PITX1: variants seen among roughly 807,000 people sequenced by gnomAD.
PITX1 encodes the protein pituitary homeobox 1.
PITX1 carries 5 observed loss-of-function variants against 24.1 expected under a neutral mutation model. The observed-to-expected ratio is 0.21, with a 90% CI of 0.11 to 0.44. PITX1 has a LOEUF of 0.44. PITX1 is among the 20% of genes least tolerant of loss of function. PITX1 has a pLI of 0.99. For synonymous variants in PITX1, 213 were observed against 208.9 expected, an observed-to-expected ratio of 1.02 and a Z score of -0.17; for missense variants, 401 against 455.4, an observed-to-expected ratio of 0.88 and a Z score of 1.09.
chr5:135,028,893 C>T lies in PITX1; in HGVS notation c.831G>A (p.Thr277=). 3 of 1,613,740 alleles carry T rather than the reference C, an allele frequency of 1.9e-6. No homozygotes were observed. The highest frequency in any genetic ancestry group is 2.2e-5 in the East Asian group (1 of 44,864). ...GCAGGCTGGCTAGGCTCGAGTTGCACGTGTCCCGGTAGACGCTGTAGGGCG... is the reference window on the plus strand; with the variant it reads ...GCAGGCTGGCTAGGCTCGAGTTGCATGTGTCCCGGTAGACGCTGTAGGGCG... ...PASPYSVYRD[T]CNSSLASLRL... is the part of the protein sequence containing the mutation. Residue 277 remains threonine, a synonymous_variant, in exon 3 of 3, where the codon ACG becomes ACA. Coordinates refer to ENST00000265340, the MANE Select transcript of PITX1 (RefSeq NM_002653.5).
In PITX1 at chr5:135,033,836, C is replaced by T; in HGVS notation, c.46G>A (p.Gly16Arg). The T allele has an allele frequency of 6.6e-7, 1 of 1,516,668 alleles. No homozygotes were observed. The highest frequency in any genetic ancestry group is 8.8e-7 in the Non-Finnish European group (1 of 1,141,100). 94.0% of individuals were successfully genotyped at this position (1,516,668 alleles called of 1,614,324 possible). ...GGTGGCGGCGGCGGCGGCCGGAGCCCCTCCGGCAGCCGCTCCAGGCTCATG... is the reference window on the plus strand; with the variant it reads ...GGTGGCGGCGGCGGCGGCCGGAGCCTCTCCGGCAGCCGCTCCAGGCTCATG... ...GGMSLERLPE[G>R]LRPPPPPPHD... The change falls in exon 1 of 3, where the codon GGG becomes AGG. Residue 16 changes from glycine to arginine, a missense_variant. By Grantham distance (125) the Gly-to-Arg change is moderately radical. This residue lies in a region of PITX1 where 136 missense variants were observed against 133.3 expected (regional missense o/e 1.02). Coordinates refer to ENST00000265340, the MANE Select transcript of PITX1 (RefSeq NM_002653.5). This position sits in a 1 kb window ranked among gnomAD's most constrained non-coding sequence, Gnocchi z 5.9.
Position 135,033,531 on chromosome 5 carries a change from T to G in PITX1, c.169+182A>C. The G allele has an allele frequency of 1.5e-6, 1 of 647,734 alleles. No homozygotes were observed. Among genetic ancestry groups the G allele is most frequent in the South Asian group, 1.9e-5 (1 of 53,100 alleles). 40.1% of individuals were successfully genotyped at this position (647,734 alleles called of 1,614,324 possible). A position where few individuals can be genotyped will look rare whatever the true frequency, so the allele number is the denominator to read the frequency against. ...GCGTGGGGACCGCGTGGAAGTGCCT[T>G]CGCGTGTGCGTAAGTTTCCGCGTTC... On this transcript the variant is annotated intron_variant, in intron 1 of 2. Transcript: ENST00000265340. The surrounding 1 kb of genome is among the most constrained non-coding windows in gnomAD (Gnocchi z 5.9).
chr5:135,031,140 C>G (rs1752438763), intron 2 of PITX1, 136 bp downstream of exon 2: 1 of 719,172 alleles, frequency 1.4e-6, no homozygotes. Flanking sequence ...GTGGGGATCT[C>G]CGGTGGAGGG....
intron 1 of PITX1, chr5:135,032,790 C>A: frequency 3.3e-6 from 1 of 305,884 alleles, no homozygotes; most frequent in Non-Finnish European, 6.5e-6. Context: ...ATGTTTTAAC[C>A]AAGCAAACAA....
rs70976562 is a variant in PITX1, at chr5:135,028,549, C to CT, written c.*229dup. ...GGCACTTTTCTCCGACGTCTTTTTG[C>CT]TTTTTTTTTTTTTTTTTTTTTTTTG... On this transcript the variant is annotated 3_prime_UTR_variant, in exon 3 of 3. Coordinates refer to ENST00000265340, the MANE Select transcript of PITX1 (RefSeq NM_002653.5). The CT allele has an allele frequency of 0.04, 3,016 of 76,342 alleles. 136 individuals are homozygous for CT. The highest frequency in any genetic ancestry group is 0.1 in the Middle Eastern group (7 of 70). The allele number at this position is 76,342 out of a possible 1,614,324, so 4.7% of individuals were successfully genotyped here. A position where few individuals can be genotyped will look rare whatever the true frequency, so the allele number is the denominator to read the frequency against.
At position 135,031,467 on chromosome 5, in the gene PITX1, C is replaced by A. The variant is rs1752447419; in HGVS notation, c.211G>T (p.Gly71Cys). The A allele has an allele frequency of 6.2e-7, 1 of 1,613,672 alleles. No homozygotes were observed. The highest frequency in any genetic ancestry group is 8.5e-7 in the Non-Finnish European group (1 of 1,179,912). ...CCGCCGCAGCCCGTGCCTCCCGCACCACTGTCCTCGGGCCCCTTGGGTTCC... is the reference window on the plus strand; with the variant it reads ...CCGCCGCAGCCCGTGCCTCCCGCACAACTGTCCTCGGGCCCCTTGGGTTCC... ...GGEPKGPEDS[G>C]AGGTGCGGAD... The change falls in exon 2 of 3, where the codon GGT becomes TGT. Residue 71 changes from glycine (G) to cysteine (C), a missense_variant. Gly to Cys is a radical substitution (Grantham distance 159). Transcript: ENST00000265340.
chr5:135,033,697 G>A lies in PITX1; in HGVS notation c.169+16C>T. 6.3e-7 allele frequency: 1 copy of A among 1,593,986 alleles called. No homozygotes were observed. Among genetic ancestry groups the A allele is most frequent in the South Asian group, 1.1e-5 (1 of 90,400 alleles). On this transcript the variant is annotated intron_variant, in intron 1 of 2. Coordinates refer to ENST00000265340, the MANE Select transcript of PITX1 (RefSeq NM_002653.5). This position sits in a 1 kb window ranked among gnomAD's most constrained non-coding sequence, Gnocchi z 5.9. ...CGGGTAGGCTCTGTGCGCGCCGCGC[G>A]GGGAACGGCGCTTACCTGGCAGCTC...
chr5:135,028,969 G>A lies in PITX1; in HGVS notation c.755C>T (p.Ser252Leu). 6.2e-7 allele frequency: 1 copy of A among 1,614,152 alleles called. No homozygotes were observed. The highest frequency in any genetic ancestry group is 8.5e-7 in the Non-Finnish European group (1 of 1,180,020). Reference protein sequence around the residue: ...LNNINNLTGSSLNSAMSPGAC... With the variant: ...LNNINNLTGSLLNSAMSPGAC... ...GCCCGGCGACATGGCCGAGTTGAGC[G>A]AGGAGCCGGTGAGGTTGTTGATGTT... The change falls in exon 3 of 3, where the codon TCG (serine) becomes TTG (leucine). Residue 252 changes from serine (S) to leucine (L), a missense_variant. Ser to Leu is a moderately radical substitution (Grantham distance 145). Transcript: ENST00000265340.
intron 2 of PITX1, among the ~76,000 whole-genome samples, chr5:135,029,979 A>T (rs1439490240): frequency 1.3e-5 from 2 of 152,016 alleles, no homozygotes; most frequent in Admixed American, 6.6e-5. Flanking sequence ...CCCCTTAAAC[A>T]GTTGATTCTT....
At position 135,033,834 on chromosome 5, in the gene PITX1, C is replaced by A. The variant is rs1397033255; in HGVS notation, c.48G>T (p.Gly16=). The A allele has an allele frequency of 6.6e-7, 1 of 1,521,928 alleles. No homozygotes were observed. The highest frequency in any genetic ancestry group is 8.7e-7 in the Non-Finnish European group (1 of 1,143,800). 94.3% of individuals were successfully genotyped at this position (1,521,928 alleles called of 1,614,324 possible). ...GGMSLERLPE[G]LRPPPPPPHD... is the part of the protein sequence containing the mutation. Reference sequence around the variant, plus strand: ...GGGGTGGCGGCGGCGGCGGCCGGAGCCCCTCCGGCAGCCGCTCCAGGCTCA... The same window carrying A: ...GGGGTGGCGGCGGCGGCGGCCGGAGACCCTCCGGCAGCCGCTCCAGGCTCA... Residue 16 remains glycine, a synonymous_variant, in exon 1 of 3, where the codon GGG becomes GGT. Transcript: ENST00000265340. The surrounding 1 kb of genome is among the most constrained non-coding windows in gnomAD (Gnocchi z 5.9).
rs930211600 is a variant in PITX1 at position 135,033,106 on chromosome 5, C to T, written c.169+607G>A. On this transcript the variant is annotated intron_variant, in intron 1 of 2. Transcript: ENST00000265340. This position sits in a 1 kb window ranked among gnomAD's most constrained non-coding sequence, Gnocchi z 5.9. ...GAGCCGGGCTGCTCCGGGCTTCGGC[C>T]GCGCACGTGGGCCGGATCCCTTGAT... The T allele has an allele frequency of 2.0e-5, 8 of 392,302 alleles. No homozygotes were observed. The highest frequency in any genetic ancestry group is 4.1e-5 in the Non-Finnish European group (8 of 197,530). 24.3% of individuals were successfully genotyped at this position (392,302 alleles called of 1,614,324 possible). A position where few individuals can be genotyped will look rare whatever the true frequency, so the allele number is the denominator to read the frequency against.
intron 2 of PITX1, 38 bp downstream of exon 2, chr5:135,031,238 T>G: frequency 6.4e-7 from 1 of 1,558,360 alleles, no homozygotes; most frequent in Middle Eastern, 1.7e-4. Flanking sequence ...CCGGGAGCCC[T>G]CTGCGCGGGT....
At chr5:135,029,579 A>G (rs1322166738) in intron 2 of PITX1, among the ~76,000 whole-genome samples, 2 of 152,232 alleles carry the variant, frequency 1.3e-5, no homozygotes, top group East Asian at 1.9e-4. Flanking sequence ...TTCTCGTTTA[A>G]CAGATATTCG....
chr5:135,033,409 C>G lies in PITX1; in HGVS notation c.169+304G>C. 1 of 430,476 alleles carries G rather than the reference C, an allele frequency of 2.3e-6. No individual in the cohort carries two copies. Among genetic ancestry groups the G allele is most frequent in the Non-Finnish European group, 4.2e-6 (1 of 237,588 alleles). The allele number at this position is 430,476 out of a possible 1,614,324, so 26.7% of individuals were successfully genotyped here. On this transcript the variant is annotated intron_variant, in intron 1 of 2. Transcript: ENST00000265340. The surrounding 1 kb of genome is among the most constrained non-coding windows in gnomAD (Gnocchi z 5.9). ...AGCCGCTCCTTAGCGCCCAGTTGCGCAAATCAAATTCTTTCCCGTTCTATT... is the reference window on the plus strand; with the variant it reads ...AGCCGCTCCTTAGCGCCCAGTTGCGGAAATCAAATTCTTTCCCGTTCTATT...
chr5:135,029,450 A>C, intron 2 of PITX1, 129 bp from the exon 3 acceptor site: 1 of 702,020 alleles, frequency 1.4e-6, no homozygotes, highest in Non-Finnish European at 2.4e-6. Flanking sequence ...TTCGACCGAT[A>C]TTTCCGCTCC....
At position 135,033,153 on chromosome 5, in the gene PITX1, TG is replaced by T. The variant is rs1752489659; in HGVS notation, c.169+559del. ...TGATCGGCGTTCCGGCTGGCCTTGC[TG>T]GGAGTCCGGCCGCGCCTGTTGGCCC... On this transcript the variant is annotated intron_variant, in intron 1 of 2. Transcript: ENST00000265340. The surrounding 1 kb of genome is among the most constrained non-coding windows in gnomAD (Gnocchi z 5.9). 3.0e-6 allele frequency: 1 copy of T among 331,034 alleles called. No individual in the cohort carries two copies. 20.5% of individuals were successfully genotyped at this position (331,034 alleles called of 1,614,324 possible). A position where few individuals can be genotyped will look rare whatever the true frequency, so the allele number is the denominator to read the frequency against.
rs1337913224 is a variant in PITX1 at position 135,033,504 on chromosome 5, G to A, written c.169+209C>T. On this transcript the variant is annotated intron_variant, in intron 1 of 2. Coordinates refer to ENST00000265340, the MANE Select transcript of PITX1 (RefSeq NM_002653.5). The surrounding 1 kb of genome is among the most constrained non-coding windows in gnomAD (Gnocchi z 5.9). ...GGCTCGTGCATCTGCCAGTCTCTTGGCGCGTGGGGACCGCGTGGAAGTGCC... is the reference window on the plus strand; with the variant it reads ...GGCTCGTGCATCTGCCAGTCTCTTGACGCGTGGGGACCGCGTGGAAGTGCC... 1.7e-6 allele frequency: 1 copy of A among 590,424 alleles called. No homozygotes were observed. The highest frequency in any genetic ancestry group is 3.0e-6 in the Non-Finnish European group (1 of 335,250). 36.6% of individuals were successfully genotyped at this position (590,424 alleles called of 1,614,324 possible).
rs1256022922 is a variant in PITX1 at position 135,033,865 on chromosome 5, C to G, written c.17G>C (p.Gly6Ala). The part of the protein sequence containing the change: MDAFK[G>A]GMSLERLPEG... ...CGGCAGCCGCTCCAGGCTCATGCCC[C>G]CCTTGAAGGCGTCCATGGAGGTGGG... The change falls in exon 1 of 3, where the codon GGG (glycine) becomes GCG (alanine). Residue 6 changes from glycine (G) to alanine (A), a missense_variant. Coordinates refer to ENST00000265340, the MANE Select transcript of PITX1 (RefSeq NM_002653.5). This position sits in a 1 kb window ranked among gnomAD's most constrained non-coding sequence, Gnocchi z 5.9. 2 of 1,463,908 alleles carry G rather than the reference C, an allele frequency of 1.4e-6. No individual in the cohort carries two copies. The highest frequency in any genetic ancestry group is 3.0e-5 in the African/African-American group (2 of 67,228). 90.7% of individuals were successfully genotyped at this position (1,463,908 alleles called of 1,614,324 possible). A position where few individuals can be genotyped will look rare whatever the true frequency, so the allele number is the denominator to read the frequency against.
intron 1 of PITX1, 74 bp from the exon 2 acceptor site, chr5:135,031,582 C>T (rs1262908053): frequency 2.4e-6 from 3 of 1,226,348 alleles, no homozygotes; most frequent in Admixed American, 2.0e-5. Context: ...TCCACCGAAC[C>T]GCTCGCCACC....
Sources: allele counts gnomAD v4.1 joint callset (sites outside exome capture counted in the v4.1 genomes callset), GRCh38; gene constraint gnomAD v4.1.1; regional missense constraint gnomAD v4.1.1; non-coding constraint Gnocchi (gnomAD v3.1); transcripts MANE v1.5; gene names NCBI Gene and HGNC (gene_info 2026-07-23, HGNC 2026-07-21).